SCD5: variants seen among roughly 807,000 people sequenced by gnomAD.
SCD5 encodes the protein acyl-CoA-desaturase 4.
In SCD5, 20 loss-of-function variants were observed where a neutral mutation model predicts 30.4. The observed-to-expected ratio is 0.66, with a 90% confidence interval of 0.46 to 0.96. The LOEUF is 0.96. SCD5 is among the 40% of genes least tolerant of loss of function. The pLI is 0.00. For synonymous variants in SCD5, 173 were observed against 176.4 expected (o/e 0.98, Z 0.16); for missense variants, 381 against 443.3 (o/e 0.86, Z 1.26).
At chr4:82,635,915 CT>C (rs1560520244) in intron 4 of SCD5, among the ~76,000 whole-genome samples, 1 of 152,088 alleles carries the variant, frequency 6.6e-6, no homozygotes, top group Non-Finnish European at 1.5e-5. Context: ...GTTTGAAGGC[CT>C]TTTTTCTTAA....
intron 1 of SCD5, among the ~76,000 whole-genome samples, chr4:82,753,589 CTGT>C (rs2148843313): frequency 6.6e-6 from 1 of 152,300 alleles, no homozygotes; most frequent in South Asian, 2.1e-4. Flanking sequence ...ACCCAAATCA[CTGT>C]TTTTAAGCCC....
intron 1 of SCD5, among the ~76,000 whole-genome samples, chr4:82,720,524 T>G (rs1008892344): frequency 6.6e-6 from 1 of 151,056 alleles, no homozygotes; most frequent in African/African-American, 2.4e-5. Context: ...TCCTAGTTGA[T>G]GAAGGAAAGA....
chr4:82,755,058 T>C lies in SCD5; in HGVS notation c.232+43248A>G, dbSNP rs1031440749. Among the ~76,000 whole-genome samples the C allele has an allele frequency of 1.3e-4, 18 of 139,646 alleles. No homozygotes were observed. The Middle Eastern group carries it at 0.011, about 86-fold the overall frequency. 91.6% of individuals were successfully genotyped at this position (139,646 alleles called of 152,430 possible). On this transcript the variant is annotated intron_variant, in intron 1 of 4. Coordinates refer to ENST00000319540, the MANE Select transcript of SCD5 (RefSeq NM_001037582.3). ...GATGGGAAGAACTTGATGTCAGTTT[T>C]ACCTTCAGAACTTGGAAAGTCTATA... is the stretch of plus-strand genomic sequence containing the variant.
intron 1 of SCD5, among the ~76,000 whole-genome samples, chr4:82,740,686 GTTGGCTCTACT>G (rs1326664933): frequency 6.6e-6 from 1 of 152,210 alleles, no homozygotes; most frequent in Non-Finnish European, 1.5e-5. Flanking sequence ...GTCCGCCACA[GTTGGCTCTACT>G]TTCTCTCCTC....
At chr4:82,720,450 A>AT (rs1314866966) in intron 1 of SCD5, among the ~76,000 whole-genome samples, 3 of 148,272 alleles carry the variant, frequency 2.0e-5, no homozygotes, top group Non-Finnish European at 4.4e-5. Flanking sequence ...ATAAAAAAAA[A>AT]AAAAAAAAAA....
intron 1 of SCD5, among the ~76,000 whole-genome samples, chr4:82,742,078 CAAA>C (rs11366931): frequency 5.4e-5 from 5 of 92,364 alleles, no homozygotes; most frequent in Non-Finnish European, 1.0e-4. Flanking sequence ...GAGTCCGTCT[CAAA>C]AAAAAAAAAA....
Position 82,705,410 on chromosome 4 carries a change from T to A in SCD5, c.236A>T (p.Tyr79Phe). 2 of 1,614,158 alleles carry A rather than the reference T, an allele frequency of 1.2e-6. No individual in the cohort carries two copies. The highest frequency in any genetic ancestry group is 1.7e-6 in the Non-Finnish European group (2 of 1,180,016). The change falls in exon 2 of 5, where the codon TAC (tyrosine) becomes TTC (phenylalanine). Residue 79 changes from tyrosine (Y) to phenylalanine (F), a missense_variant. Tyr to Phe is a conservative substitution (Grantham distance 22). Transcript: ENST00000319540. ...KAKPLTLLWA[Y>F]FCFLLAALGV... ...CAGAGCGGCCAGGAGGAAGCAGAAG[T>A]AGGCTGCAAGACACAAGCAGGGACA... is the stretch of plus-strand genomic sequence containing the variant.
chr4:82,767,252 C>G (rs190593267), intron 1 of SCD5, among the ~76,000 whole-genome samples: 1 of 152,152 alleles, frequency 6.6e-6, no homozygotes, highest in African/African-American at 2.4e-5. Flanking sequence ...CTCTCTCTCT[C>G]TGTCTCTTCT....
At chr4:82,707,499 A>G (rs902604297) in intron 1 of SCD5, among the ~76,000 whole-genome samples, 3 of 152,112 alleles carry the variant, frequency 2.0e-5, no homozygotes, top group Non-Finnish European at 4.4e-5. Context: ...TCTCTTCCCT[A>G]TTAGTAACTT....
intron 1 of SCD5, among the ~76,000 whole-genome samples, chr4:82,735,683 T>A (rs1222304510): frequency 6.6e-6 from 1 of 152,208 alleles, no homozygotes; most frequent in African/African-American, 2.4e-5. Flanking sequence ...ACTCACCGAT[T>A]CACCAAAGAC....
chr4:82,713,456 C>T (rs28420328), intron 1 of SCD5, among the ~76,000 whole-genome samples: 59,823 of 152,070 alleles, frequency 0.39, 12,495 homozygotes, highest in African/African-American at 0.53. Flanking sequence ...GATTTTGGAT[C>T]GTTCCAGGAC....
In SCD5 at chr4:82,705,273, C is replaced by G; in HGVS notation, c.363+10G>C. ...GGTCTCCCAACACAGAGAGGACCCT[C>G]CATCCTCACCTGGAAAGCCATGGAG... On this transcript the variant is annotated intron_variant, in intron 2 of 4. Transcript: ENST00000319540. 1 of 1,614,066 alleles carries G rather than the reference C, an allele frequency of 6.2e-7. No homozygotes were observed. Among genetic ancestry groups the G allele is most frequent in the Non-Finnish European group, 8.5e-7 (1 of 1,179,940 alleles).
At chr4:82,699,980 G>T (rs1229585810) in intron 2 of SCD5, among the ~76,000 whole-genome samples, 4 of 151,856 alleles carry the variant, frequency 2.6e-5, no homozygotes, top group Admixed American at 2.6e-4. Flanking sequence ...ACTTTGGAAG[G>T]CCAAGGCAGG....
At chr4:82,753,576 G>A in intron 1 of SCD5, 1 of 382,292 alleles carries the variant, frequency 2.6e-6, no homozygotes, top group Non-Finnish European at 5.4e-6. Flanking sequence ...TTCATAGGGT[G>A]TCACCCAAAT....
intron 1 of SCD5, among the ~76,000 whole-genome samples, chr4:82,731,963 C>A (rs1014167142): frequency 8.5e-5 from 13 of 152,192 alleles, no homozygotes; most frequent in Admixed American, 3.9e-4. Flanking sequence ...TTGCTTCTTA[C>A]AACCTCACAA....
intron 2 of SCD5, among the ~76,000 whole-genome samples, chr4:82,699,568 TTG>T (rs1255128010): frequency 0.05 from 1,099 of 22,070 alleles, 11 homozygotes; most frequent in African/African-American, 0.27. Context: ...TTTTTGTTTT[TTG>T]TTTTTTTTTT....
At chr4:82,725,056 A>T (rs899064063) in intron 1 of SCD5, among the ~76,000 whole-genome samples, 9 of 152,230 alleles carry the variant, frequency 5.9e-5, no homozygotes, top group Non-Finnish European at 7.3e-5. Context: ...GATAACCAGG[A>T]AGAATTCAGG....
intron 1 of SCD5, among the ~76,000 whole-genome samples, chr4:82,789,337 G>A (rs1722052400): frequency 6.6e-6 from 1 of 152,208 alleles, no homozygotes; most frequent in Non-Finnish European, 1.5e-5. Context: ...GGAAGCAAAG[G>A]GGAGGAGGCC....
At chr4:82,729,279 T>C (rs1578041426) in intron 1 of SCD5, among the ~76,000 whole-genome samples, 1 of 152,276 alleles carries the variant, frequency 6.6e-6, no homozygotes, top group East Asian at 1.9e-4. Flanking sequence ...GGGAAGGGTT[T>C]CCCCAGAAGG....
Sources: gnomAD v4.1 joint callset for allele counts (sites outside exome capture counted in the v4.1 genomes callset) on GRCh38, gnomAD v4.1.1 for gene constraint, MANE v1.5 for transcripts, NCBI Gene and HGNC (gene_info 2026-07-23, HGNC 2026-07-21) for gene names.